The following SLC2A13 variants were observed in gnomAD, a reference collection of about 807,000 sequenced individuals.
SLC2A13 encodes proton myo-inositol cotransporter.
SLC2A13 carries 32 observed loss-of-function variants against 64.4 expected under a neutral mutation model. The ratio of observed to expected loss-of-function variants is 0.50; its 90% confidence interval spans 0.37 to 0.67. SLC2A13 has a LOEUF of 0.67. SLC2A13 is among the 30% of genes least tolerant of loss of function. The probability of loss-of-function intolerance (pLI) is 0.00; values close to 1 mark genes in which losing one functional copy is unlikely to be tolerated. For missense variants in SLC2A13, 743 were observed against 829.2 expected (o/e 0.90, Z 1.28); for synonymous variants, 338 against 327.1 (o/e 1.03, Z -0.36).
At chr12:39,942,335 T>A (rs1946046040) in intron 4 of SLC2A13, among the ~76,000 whole-genome samples, 1 of 152,246 alleles carries the variant, frequency 6.6e-6, no homozygotes, top group South Asian at 2.1e-4. Flanking sequence ...ATTCTACCCA[T>A]CCATGAGCAT....
chr12:39,930,318 CAG>C (rs1042243065), intron 4 of SLC2A13, among the ~76,000 whole-genome samples: 1 of 151,998 alleles, frequency 6.6e-6, no homozygotes, highest in African/African-American at 2.4e-5. Context: ...CAGCACACAT[CAG>C]AGTAAATTTA....
At chr12:40,040,651 C>T (rs1476975141) in intron 2 of SLC2A13, among the ~76,000 whole-genome samples, 1 of 152,180 alleles carries the variant, frequency 6.6e-6, no homozygotes, top group East Asian at 1.9e-4. Context: ...TTTGGCCTCC[C>T]AAAGTGCTGG....
At chr12:39,976,883 A>G (rs914389450) in intron 3 of SLC2A13, among the ~76,000 whole-genome samples, 1 of 152,202 alleles carries the variant, frequency 6.6e-6, no homozygotes, top group Non-Finnish European at 1.5e-5. Context: ...AAGATAAAAA[A>G]TGAAATCTAC....
intron 3 of SLC2A13, among the ~76,000 whole-genome samples, chr12:39,985,824 C>A (rs149396447): frequency 6.6e-6 from 1 of 152,032 alleles, no homozygotes; most frequent in Non-Finnish European, 1.5e-5. Flanking sequence ...TTTCATGCTA[C>A]CATATCATAC....
chr12:40,052,671 G>T (rs934959152), intron 1 of SLC2A13, among the ~76,000 whole-genome samples: 3 of 152,148 alleles, frequency 2.0e-5, no homozygotes, highest in Non-Finnish European at 4.4e-5. Flanking sequence ...ATTGCTTTTA[G>T]TTGCTGGACT....
At chr12:39,764,678 A>G in intron 8 of SLC2A13, 59 bp downstream of exon 8, 3 of 1,590,884 alleles carry the variant, frequency 1.9e-6, no homozygotes, top group Middle Eastern at 3.4e-4. Flanking sequence ...ATTATAGTTT[A>G]TCTACTCCAA....
intron 3 of SLC2A13, among the ~76,000 whole-genome samples, chr12:40,015,973 AAAG>A (rs1271149533): frequency 6.6e-6 from 1 of 152,214 alleles, no homozygotes; most frequent in Non-Finnish European, 1.5e-5. Context: ...ATATTCAAAA[AAAG>A]AATAATGCTC....
chr12:39,949,838 C>G (rs1483811017), intron 4 of SLC2A13: 2 of 152,202 alleles, frequency 1.3e-5, no homozygotes. Context: ...ATGCTTGGTC[C>G]TAGCCTAGCT....
At chr12:39,790,510 G>A (rs1458904855) in intron 7 of SLC2A13, among the ~76,000 whole-genome samples, 2 of 150,050 alleles carry the variant, frequency 1.3e-5, no homozygotes, top group Non-Finnish European at 3.0e-5. Flanking sequence ...GAGAATGATG[G>A]TTTCCAATTT....
intron 4 of SLC2A13, among the ~76,000 whole-genome samples, chr12:39,927,097 A>G (rs1041306680): frequency 2.6e-5 from 4 of 152,166 alleles, no homozygotes; most frequent in African/African-American, 7.2e-5. Flanking sequence ...ACAGTAATAC[A>G]CTTTGCACTA....
intron 4 of SLC2A13, among the ~76,000 whole-genome samples, chr12:39,895,514 TTATATA>T (rs777418112): frequency 0.11 from 6,167 of 56,294 alleles, 502 homozygotes; most frequent in Admixed American, 0.17. Context: ...AAAAAAAAAA[TTATATA>T]TATATATATA....
At chr12:39,998,166 T>C (rs1436741565) in intron 3 of SLC2A13, among the ~76,000 whole-genome samples, 2 of 152,164 alleles carry the variant, frequency 1.3e-5, no homozygotes, top group Non-Finnish European at 2.9e-5. Context: ...GTGGTATGTA[T>C]ATATATATGT....
intron 1 of SLC2A13, among the ~76,000 whole-genome samples, chr12:40,096,808 C>G (rs558651671): frequency 1.5e-4 from 23 of 152,038 alleles, no homozygotes; most frequent in Non-Finnish European, 2.8e-4. Flanking sequence ...TACTACTGTT[C>G]CCTCAATCTG....
intron 4 of SLC2A13, among the ~76,000 whole-genome samples, chr12:39,874,341 C>T (rs1261237033): frequency 3.3e-5 from 5 of 152,060 alleles, no homozygotes; most frequent in African/African-American, 1.2e-4. Context: ...GGGCCGGGCA[C>T]GGTGGCTCAC....
intron 3 of SLC2A13, among the ~76,000 whole-genome samples, chr12:39,972,747 C>A (rs1257830603): frequency 1.3e-5 from 2 of 152,020 alleles, no homozygotes; most frequent in African/African-American, 4.8e-5. Flanking sequence ...ATTCTCCTGC[C>A]CTGATTTATA....
At chr12:40,078,919 T>C (rs983197271) in intron 1 of SLC2A13, among the ~76,000 whole-genome samples, 7 of 152,194 alleles carry the variant, frequency 4.6e-5, no homozygotes, top group African/African-American at 1.4e-4. Flanking sequence ...TTGGTGTGCA[T>C]AGAGGTATTC....
chr12:39,918,185 T>A (rs1169594557), intron 4 of SLC2A13, among the ~76,000 whole-genome samples: 3 of 152,242 alleles, frequency 2.0e-5, no homozygotes, highest in African/African-American at 7.2e-5. Flanking sequence ...GGCATAGGGA[T>A]GTTCACACAG....
At chr12:39,954,122 G>A (rs1946278052) in intron 3 of SLC2A13, among the ~76,000 whole-genome samples, 3 of 152,136 alleles carry the variant, frequency 2.0e-5, no homozygotes, top group Non-Finnish European at 4.4e-5. Context: ...TCATGCTAGC[G>A]GATAACAGGC....
At chr12:39,939,905 C>T (rs1348986481) in intron 4 of SLC2A13, among the ~76,000 whole-genome samples, 1 of 152,148 alleles carries the variant, frequency 6.6e-6, no homozygotes, top group Non-Finnish European at 1.5e-5. Flanking sequence ...CATTAAAAGT[C>T]CATCTACTTC....
Sources: gnomAD v4.1 joint callset for allele counts (sites outside exome capture counted in the v4.1 genomes callset) on GRCh38, gnomAD v4.1.1 for gene constraint, MANE v1.5 for transcripts, NCBI Gene and HGNC (gene_info 2026-07-23, HGNC 2026-07-21) for gene names.